The following RBFOX1 variants were observed in gnomAD, a reference collection of about 807,000 sequenced individuals.
RBFOX1 encodes the protein RNA binding protein fox-1 homolog 1.
Under a neutral mutation model 57.7 loss-of-function variants are expected in RBFOX1, and 8 were observed. The ratio of observed to expected loss-of-function variants is 0.14; its 90% confidence interval spans 0.08 to 0.25. RBFOX1 has a LOEUF of 0.25. RBFOX1 is among the 10% of genes least tolerant of loss of function. RBFOX1 has a pLI of 1.00. For synonymous variants in RBFOX1, 326 were observed against 222.4 expected (o/e 1.47, Z -4.15); for missense variants, 611 against 548.5 (o/e 1.11, Z -1.14).
rs181342742 is a variant in RBFOX1 at position 6,277,411 on chromosome 16, C to T, written c.-126-39584C>T. On this transcript the variant is annotated intron_variant, in intron 1 of 15. Transcript: ENST00000550418. ...GGCTGAGGCAGCATTGAACCGTGAT[C>T]GCAGCGCTGCACCCCAGAGAGAGTG... Among the ~76,000 whole-genome samples, 4 of 139,984 alleles carry T rather than the reference C, an allele frequency of 2.9e-5. No homozygotes were observed. In the East Asian group the frequency reaches 8.5e-4, roughly 30 times the overall value. The allele number at this position is 139,984 out of a possible 152,430, so 91.8% of individuals were successfully genotyped here.
chr16:6,368,116 T>C (rs2089929282), intron 2 of RBFOX1, among the ~76,000 whole-genome samples: 1 of 152,240 alleles, frequency 6.6e-6, no homozygotes, highest in African/African-American at 2.4e-5. Context: ...CTTCTCTTTG[T>C]AAGCTTAAGT....
intron 4 of RBFOX1, among the ~76,000 whole-genome samples, chr16:7,362,150 G>T (rs2097336663): frequency 6.6e-6 from 1 of 150,802 alleles, no homozygotes; most frequent in African/African-American, 2.4e-5. Flanking sequence ...GTGTATGTGT[G>T]TTAGTGTATG....
At chr16:6,194,486 C>T (rs745734831) in intron 1 of RBFOX1, among the ~76,000 whole-genome samples, 1 of 152,136 alleles carries the variant, frequency 6.6e-6, no homozygotes, top group Non-Finnish European at 1.5e-5. Flanking sequence ...CTTTCAAGAA[C>T]AGCCTATTTA....
At chr16:6,468,285 G>A (rs2095096328) in intron 2 of RBFOX1, among the ~76,000 whole-genome samples, 1 of 152,120 alleles carries the variant, frequency 6.6e-6, no homozygotes, top group Non-Finnish European at 1.5e-5. Context: ...AAGGCTTATA[G>A]CAAGTTACCC....
At chr16:5,297,763 T>G (rs77856962) in intron 1 of RBFOX1, among the ~76,000 whole-genome samples, 1 of 152,236 alleles carries the variant, frequency 6.6e-6, no homozygotes, top group Non-Finnish European at 1.5e-5. Context: ...ACTGGTTGCA[T>G]GTAAGATTTT....
intron 4 of RBFOX1, among the ~76,000 whole-genome samples, chr16:5,873,755 A>G (rs1354322767): frequency 6.6e-6 from 1 of 152,192 alleles, no homozygotes; most frequent in African/African-American, 2.4e-5. Context: ...GGCTTCCTAC[A>G]TATTTGGTAA....
chr16:6,956,615 A>G (rs185295496), intron 3 of RBFOX1, among the ~76,000 whole-genome samples: 57 of 152,316 alleles, frequency 3.7e-4, no homozygotes, highest in African/African-American at 1.3e-3. Context: ...GTTCAAATCC[A>G]CAGCCCGTCT....
chr16:7,512,849 T>C (rs1374997961), intron 4 of RBFOX1, among the ~76,000 whole-genome samples: 25 of 152,216 alleles, frequency 1.6e-4, no homozygotes, highest in Non-Finnish European at 2.6e-4. Context: ...AACCTGGCCA[T>C]TGGAATTGCT....
intron 2 of RBFOX1, chr16:6,577,038 C>G (rs906383188): frequency 2.6e-5 from 4 of 152,206 alleles, no homozygotes; most frequent in African/African-American, 9.6e-5. Flanking sequence ...TCTTTCAGGA[C>G]TGTTCCCCCA....
At position 5,733,197 on chromosome 16, in the gene RBFOX1, T is replaced by C. The variant is rs570940074; in HGVS notation, c.319-134106T>C. Reference sequence around the variant, plus strand: ...CCTAAACATTTCACCAACTAGGAAATTAGAATTAAAGAGACTGGGGACTAA... The same window carrying C: ...CCTAAACATTTCACCAACTAGGAAACTAGAATTAAAGAGACTGGGGACTAA... On this transcript the variant is annotated intron_variant, in intron 3 of 19. Coordinates refer to the RBFOX1 transcript ENST00000641259. Among the ~76,000 whole-genome samples, 5 of 152,236 alleles carry C rather than the reference T, an allele frequency of 3.3e-5. No homozygotes were observed. In the East Asian group the frequency reaches 7.7e-4, roughly 24 times the overall value.
intron 3 of RBFOX1, among the ~76,000 whole-genome samples, chr16:6,892,316 A>C (rs1049044709): frequency 2.6e-5 from 4 of 152,178 alleles, no homozygotes; most frequent in Non-Finnish European, 5.9e-5. Flanking sequence ...GGATCTCTCT[A>C]AAAATAACTC....
At chr16:7,075,557 CTT>C (rs1291345616) in intron 4 of RBFOX1, among the ~76,000 whole-genome samples, 1 of 151,846 alleles carries the variant, frequency 6.6e-6, no homozygotes, top group Non-Finnish European at 1.5e-5. Flanking sequence ...GTTTGCATTT[CTT>C]TTTATTTTTT....
At chr16:7,597,889 T>C (rs1443783550) in intron 9 of RBFOX1, among the ~76,000 whole-genome samples, 1 of 152,186 alleles carries the variant, frequency 6.6e-6, no homozygotes, top group African/African-American at 2.4e-5. Flanking sequence ...GTATACCTCA[T>C]GTCTGAATTC....
At chr16:5,286,928 C>A (rs2063409737) in intron 1 of RBFOX1, among the ~76,000 whole-genome samples, 1 of 152,186 alleles carries the variant, frequency 6.6e-6, no homozygotes, top group African/African-American at 2.4e-5. Context: ...TCAGACCAGT[C>A]ACAATTTATT....
At chr16:6,233,369 C>T (rs1178644951) in intron 1 of RBFOX1, among the ~76,000 whole-genome samples, 1 of 152,012 alleles carries the variant, frequency 6.6e-6, no homozygotes, top group East Asian at 1.9e-4. Context: ...ACCACCATCT[C>T]CCCCGGGTGG....
chr16:7,051,449 C>G (rs562028116), intron 3 of RBFOX1, among the ~76,000 whole-genome samples: 8 of 152,208 alleles, frequency 5.3e-5, no homozygotes, highest in Non-Finnish European at 1.2e-4. Flanking sequence ...ATTGCTAATA[C>G]CCACTTTCCT....
intron 2 of RBFOX1, among the ~76,000 whole-genome samples, chr16:6,642,163 C>T (rs1398031307): frequency 6.6e-6 from 1 of 152,166 alleles, no homozygotes; most frequent in Non-Finnish European, 1.5e-5. Flanking sequence ...GCGACAAACC[C>T]AGGCTTCCCA....
At chr16:6,942,187 C>G (rs1373136172) in intron 3 of RBFOX1, among the ~76,000 whole-genome samples, 1 of 152,098 alleles carries the variant, frequency 6.6e-6, no homozygotes, top group East Asian at 1.9e-4. Flanking sequence ...TGCAGTGAGC[C>G]AAGATGGCAC....
chr16:5,943,576 G>A (rs1001174905), intron 4 of RBFOX1, among the ~76,000 whole-genome samples: 3 of 152,192 alleles, frequency 2.0e-5, no homozygotes, highest in Admixed American at 2.0e-4. Flanking sequence ...AGTCCTTTAT[G>A]TCACTAACTC....
Sources: gnomAD v4.1 joint callset for allele counts (sites outside exome capture counted in the v4.1 genomes callset) on GRCh38, gnomAD v4.1.1 for gene constraint, MANE v1.5 for transcripts, NCBI Gene and HGNC (gene_info 2026-07-23, HGNC 2026-07-21) for gene names.